CEP128: variants seen among roughly 807,000 people sequenced by gnomAD.
CEP128 encodes the protein centrosomal protein 128kDa.
Under a neutral mutation model 156.7 loss-of-function variants are expected in CEP128, and 132 were observed. The ratio of observed to expected loss-of-function variants is 0.84; its 90% CI spans 0.73 to 0.97. The LOEUF (loss-of-function observed/expected upper bound fraction) is 0.97. CEP128 is among the 50% of genes least tolerant of loss of function. CEP128 has a pLI of 0.00. For synonymous variants in CEP128, 469 were observed against 448.9 expected (o/e 1.04, Z -0.57); for missense variants, 1,252 against 1,281.9 (o/e 0.98, Z 0.36).
intron 2 of CEP128, among the ~76,000 whole-genome samples, chr14:80,933,826 T>C (rs1389265316): frequency 1.3e-5 from 2 of 152,032 alleles, no homozygotes; most frequent in Non-Finnish European, 1.5e-5. Flanking sequence ...GTGGAGTAAA[T>C]AGGAGGTGAA....
chr14:80,783,078 AC>A (rs1398008248), intron 15 of CEP128, among the ~76,000 whole-genome samples: 1 of 152,078 alleles, frequency 6.6e-6, no homozygotes, highest in African/African-American at 2.4e-5. Flanking sequence ...TCAACTCTTG[AC>A]CCTACTAATT....
intron 2 of CEP128, among the ~76,000 whole-genome samples, chr14:80,932,692 T>C (rs1485544109): frequency 6.6e-6 from 1 of 152,102 alleles, no homozygotes; most frequent in Admixed American, 6.5e-5. Flanking sequence ...GACTCTATGG[T>C]GAGTTGCATA....
chr14:80,727,492 C>G (rs1898063237), intron 19 of CEP128, among the ~76,000 whole-genome samples: 1 of 151,890 alleles, frequency 6.6e-6, no homozygotes, highest in Non-Finnish European at 1.5e-5. Context: ...GAGGAAGTCT[C>G]CAAAAGCAAT....
intron 19 of CEP128, among the ~76,000 whole-genome samples, chr14:80,653,766 A>T (rs963253728): frequency 6.6e-6 from 1 of 152,172 alleles, no homozygotes; most frequent in African/African-American, 2.4e-5. Context: ...AATTTTCCAA[A>T]TCTCATCTAA....
intron 16 of CEP128, among the ~76,000 whole-genome samples, chr14:80,773,043 G>A (rs1900599350): frequency 6.6e-6 from 1 of 152,142 alleles, no homozygotes; most frequent in African/African-American, 2.4e-5. Context: ...GTGGATTAAA[G>A]GAGAAAAGTA....
intron 9 of CEP128, among the ~76,000 whole-genome samples, chr14:80,856,069 G>A (rs1483212482): frequency 3.3e-5 from 5 of 152,012 alleles, no homozygotes; most frequent in Admixed American, 6.6e-5. Context: ...AAAAAGTATC[G>A]ATTACTTTAA....
At chr14:80,606,785 T>C (rs539105259) in intron 19 of CEP128, among the ~76,000 whole-genome samples, 5 of 152,036 alleles carry the variant, frequency 3.3e-5, no homozygotes, top group East Asian at 1.9e-4. Context: ...TGCGTGTGTG[T>C]AGAGAGCAGA....
intron 19 of CEP128, among the ~76,000 whole-genome samples, chr14:80,607,873 C>T (rs747429464): frequency 6.6e-6 from 1 of 152,166 alleles, no homozygotes; most frequent in Non-Finnish European, 1.5e-5. Flanking sequence ...AAGTCCTACC[C>T]TCAGATATCC....
At chr14:80,771,604 C>G (rs1900512983) in intron 16 of CEP128, among the ~76,000 whole-genome samples, 1 of 152,118 alleles carries the variant, frequency 6.6e-6, no homozygotes. Context: ...TCTATGCATC[C>G]TGATCTATTC....
rs114828646 is a variant in CEP128 at position 80,532,372 on chromosome 14, C to T, written c.2881-1486G>A. On this transcript the variant is annotated intron_variant, in intron 21 of 24. Transcript: ENST00000555265. ...CACACCCAGCTATATAATTTTTTCT[C>T]GGGAGGAGTTCATTATTTTCTCAGT... 8.0e-3 allele frequency among the ~76,000 whole-genome samples: 1,211 copies of T among 152,066 alleles called. 8 individuals carry two copies. Among genetic ancestry groups the T allele is most frequent in the Middle Eastern group, 0.034 (10 of 294 alleles).
At position 80,601,423 on chromosome 14, in the gene CEP128, T is replaced by C. The variant is rs78554531; in HGVS notation, c.2807-21000A>G. Reference sequence around the variant, plus strand: ...CGTGGGCCACACATAAAATTAACACTAATGACAGCTGAAACAAAACAAAAA... The same window carrying C: ...CGTGGGCCACACATAAAATTAACACCAATGACAGCTGAAACAAAACAAAAA... On this transcript the variant is annotated intron_variant, in intron 19 of 24. Coordinates refer to ENST00000555265, the MANE Select transcript of CEP128 (RefSeq NM_152446.5). 2.2e-3 allele frequency among the ~76,000 whole-genome samples: 335 copies of C among 152,286 alleles called. 9 individuals are homozygous for C. The East Asian group carries it at 0.059, about 27-fold the overall frequency.
chr14:80,925,929 C>T (rs1885120771), intron 2 of CEP128, among the ~76,000 whole-genome samples: 1 of 152,062 alleles, frequency 6.6e-6, no homozygotes, highest in South Asian at 2.1e-4. Context: ...ACTTAGTGAG[C>T]AGTGAGGTTT....
chr14:80,893,940 A>G (rs1889226241), intron 8 of CEP128, among the ~76,000 whole-genome samples: 1 of 152,124 alleles, frequency 6.6e-6, no homozygotes, highest in South Asian at 2.1e-4. Flanking sequence ...CTTTTAATAA[A>G]TGGAAGTTAA....
intron 19 of CEP128, among the ~76,000 whole-genome samples, chr14:80,673,366 G>A (rs1437566119): frequency 2.0e-5 from 3 of 152,040 alleles, no homozygotes; most frequent in South Asian, 2.1e-4. Context: ...AAAGCAGGCC[G>A]GGCGCGGTGG....
At chr14:80,949,514 AG>A (rs1184944597) in intron 2 of CEP128, among the ~76,000 whole-genome samples, 1 of 152,170 alleles carries the variant, frequency 6.6e-6, no homozygotes, top group African/African-American at 2.4e-5. Context: ...TGTTGCTCAC[AG>A]GGGACCAGGA....
intron 20 of CEP128, among the ~76,000 whole-genome samples, chr14:80,559,764 T>C (rs552845132): frequency 9.8e-5 from 15 of 152,306 alleles, no homozygotes; most frequent in African/African-American, 3.4e-4. Context: ...TCAATTAAAA[T>C]AAATGAGTAA....
At chr14:80,519,508 G>A (rs568529814) in intron 23 of CEP128, among the ~76,000 whole-genome samples, 1 of 152,238 alleles carries the variant, frequency 6.6e-6, no homozygotes, top group East Asian at 1.9e-4. Context: ...CAGATTCCCT[G>A]GCAAAATATT....
At chr14:80,746,402 T>C (rs1899102804) in intron 18 of CEP128, among the ~76,000 whole-genome samples, 1 of 152,172 alleles carries the variant, frequency 6.6e-6, no homozygotes, top group Non-Finnish European at 1.5e-5. Flanking sequence ...TACAGACCGA[T>C]GGAACAGAAG....
chr14:80,656,341 A>ATG (rs1895169894), intron 19 of CEP128, among the ~76,000 whole-genome samples: 1 of 17,944 alleles, frequency 5.6e-5, no homozygotes, highest in South Asian at 1.7e-3. Flanking sequence ...ATATATATAT[A>ATG]GCAATAAAAA....
Sources: gnomAD v4.1 joint callset for allele counts (sites outside exome capture counted in the v4.1 genomes callset) on GRCh38, gnomAD v4.1.1 for gene constraint, MANE v1.5 for transcripts, NCBI Gene and HGNC (gene_info 2026-07-23, HGNC 2026-07-21) for gene names.